CSNK1G1: variants seen among roughly 807,000 people sequenced by gnomAD.
CSNK1G1 encodes the protein casein kinase I isoform gamma-1.
CSNK1G1 carries 22 observed loss-of-function variants against 59.6 expected under a neutral mutation model. The observed-to-expected ratio is 0.37, with a 90% CI of 0.26 to 0.53. CSNK1G1 has a LOEUF of 0.53. Ranked by LOEUF, CSNK1G1 falls within the 20% of genes least tolerant of loss-of-function variation. CSNK1G1 has a pLI of 0.89. For missense variants in CSNK1G1, 384 were observed against 519.5 expected (o/e 0.74, Z 2.54); for synonymous variants, 179 against 177.1 (o/e 1.01, Z -0.08).
At chr15:64,328,400 A>C (rs1243981090) in intron 1 of CSNK1G1, among the ~76,000 whole-genome samples, 14 of 140,144 alleles carry the variant, frequency 1.0e-4, no homozygotes, top group African/African-American at 3.3e-4. Context: ...TTTTCAACCC[A>C]GAATTTCATA....
chr15:64,247,427 G>C (rs1891817769), intron 4 of CSNK1G1, among the ~76,000 whole-genome samples: 1 of 152,062 alleles, frequency 6.6e-6, no homozygotes, highest in African/African-American at 2.4e-5. Flanking sequence ...GGTTCTCATG[G>C]TCCCCTTTAC....
intron 11 of CSNK1G1, among the ~76,000 whole-genome samples, chr15:64,175,618 A>G (rs977900952): frequency 2.0e-5 from 3 of 152,104 alleles, no homozygotes; most frequent in African/African-American, 7.2e-5. Context: ...CAATATATCA[A>G]TTAGCTGAGT....
chr15:64,316,535 C>CAAAAAA (rs66620488), intron 1 of CSNK1G1, among the ~76,000 whole-genome samples: 14 of 94,100 alleles, frequency 1.5e-4, no homozygotes, highest in African/African-American at 5.0e-4. Context: ...GACTCTGTCT[C>CAAAAAA]AAAAAAAAAA....
chr15:64,187,203 T>TG (rs1051506261), intron 10 of CSNK1G1, among the ~76,000 whole-genome samples: 3 of 151,482 alleles, frequency 2.0e-5, no homozygotes, highest in African/African-American at 7.3e-5. Context: ...TGGTTTTTTT[T>TG]GGGGGGGATG....
At position 64,207,565 on chromosome 15, in the gene CSNK1G1, G is replaced by A. The variant is rs1283050406; in HGVS notation, c.709C>T (p.Leu237=). 1 of 1,613,954 alleles carries A rather than the reference G, an allele frequency of 6.2e-7. No individual in the cohort carries two copies. Among genetic ancestry groups the A allele is most frequent in the East Asian group, 2.2e-5 (1 of 44,874 alleles). ...EQSRRDDLEA[L]GHMFMYFLRG... is the part of the protein sequence containing the mutation. ...AGGAAATACATGAACATATGGCCTAGGGCTTCCAAATCATCTCTCCGGCTT... is the reference window on the plus strand; with the variant it reads ...AGGAAATACATGAACATATGGCCTAAGGCTTCCAAATCATCTCTCCGGCTT... Residue 237 remains leucine, a synonymous_variant, in exon 7 of 12, where the codon CTA becomes TTA. Transcript: ENST00000303052.
At chr15:64,351,383 G>C (rs1279176384) in intron 1 of CSNK1G1, among the ~76,000 whole-genome samples, 1 of 152,142 alleles carries the variant, frequency 6.6e-6, no homozygotes, top group Non-Finnish European at 1.5e-5. Flanking sequence ...CCAAGAGATA[G>C]ATATTAAACA....
At chr15:64,264,399 G>C (rs1892869544) in intron 2 of CSNK1G1, among the ~76,000 whole-genome samples, 1 of 152,032 alleles carries the variant, frequency 6.6e-6, no homozygotes, top group Non-Finnish European at 1.5e-5. Context: ...CCCCAGCAAA[G>C]AAAAAGCCCA....
intron 2 of CSNK1G1, among the ~76,000 whole-genome samples, chr15:64,277,518 C>A (rs185360706): frequency 1.5e-3 from 214 of 146,190 alleles, no homozygotes; most frequent in Non-Finnish European, 2.7e-3. Context: ...CACTTTTACC[C>A]CTGCTACAAG....
chr15:64,353,646 CAAAA>C (rs11301406), intron 1 of CSNK1G1, among the ~76,000 whole-genome samples: 4 of 113,374 alleles, frequency 3.5e-5, no homozygotes, highest in Non-Finnish European at 3.7e-5. Flanking sequence ...GACTCCATTT[CAAAA>C]AAAAAAAAAA....
At chr15:64,174,009 A>G (rs909062710) in intron 11 of CSNK1G1, among the ~76,000 whole-genome samples, 2 of 152,348 alleles carry the variant, frequency 1.3e-5, no homozygotes, top group Admixed American at 1.3e-4. Context: ...TTAAATCTCT[A>G]TTTCAATAGA....
At chr15:64,346,422 T>TTTTA (rs140857936) in intron 1 of CSNK1G1, among the ~76,000 whole-genome samples, 4,187 of 137,452 alleles carry the variant, frequency 0.03, 120 homozygotes, top group Admixed American at 0.075. Flanking sequence ...GGAAACGAGT[T>TTTTA]TTTATTTATT....
At chr15:64,338,654 C>T (rs1897514251) in intron 1 of CSNK1G1, among the ~76,000 whole-genome samples, 1 of 121,046 alleles carries the variant, frequency 8.3e-6, no homozygotes, top group Non-Finnish European at 1.6e-5. Flanking sequence ...GAGCTGAGAT[C>T]GTGCCACTGC....
chr15:64,307,354 T>TA (rs1895733987), intron 1 of CSNK1G1, among the ~76,000 whole-genome samples: 1 of 152,002 alleles, frequency 6.6e-6, no homozygotes, highest in East Asian at 1.9e-4. Context: ...TAATTCTATC[T>TA]AAAAAAAGCA....
intron 10 of CSNK1G1, among the ~76,000 whole-genome samples, chr15:64,182,902 G>GA (rs1022096411): frequency 1.2e-4 from 18 of 152,182 alleles, no homozygotes; most frequent in African/African-American, 4.3e-4. Context: ...ATATGGATTG[G>GA]AAAACCACAG....
At chr15:64,304,954 C>T (rs1895586366) in intron 1 of CSNK1G1, among the ~76,000 whole-genome samples, 1 of 152,158 alleles carries the variant, frequency 6.6e-6, no homozygotes, top group Non-Finnish European at 1.5e-5. Context: ...GGTCCTCATG[C>T]TTGCTGTTTC....
chr15:64,204,995 C>A, intron 7 of CSNK1G1, 46 bp from the exon 8 acceptor site: 1 of 1,067,096 alleles, frequency 9.4e-7, no homozygotes, highest in East Asian at 2.4e-5. Context: ...AGGGCCTAAA[C>A]ATGGGAGATT....
chr15:64,211,484 G>A (rs2082248419), intron 6 of CSNK1G1, among the ~76,000 whole-genome samples: 1 of 152,092 alleles, frequency 6.6e-6, no homozygotes, highest in South Asian at 2.1e-4. Flanking sequence ...GCCAAGTCTG[G>A]GGGTAAACTC....
At chr15:64,199,265 A>AG (rs1274294470) in intron 10 of CSNK1G1, among the ~76,000 whole-genome samples, 1 of 150,446 alleles carries the variant, frequency 6.6e-6, no homozygotes, top group African/African-American at 2.4e-5. Flanking sequence ...AAAAAAAAAA[A>AG]AAAAAAAGAA....
At chr15:64,275,186 T>C (rs1048129274) in intron 2 of CSNK1G1, among the ~76,000 whole-genome samples, 5 of 152,098 alleles carry the variant, frequency 3.3e-5, no homozygotes, top group African/African-American at 1.2e-4. Flanking sequence ...GGATTACAGG[T>C]GCATGCCACC....
Sources: allele counts gnomAD v4.1 joint callset (sites outside exome capture counted in the v4.1 genomes callset), GRCh38; gene constraint gnomAD v4.1.1; transcripts MANE v1.5; gene names NCBI Gene and HGNC (gene_info 2026-07-23, HGNC 2026-07-21).